The following BMAL1 variants were observed in gnomAD, a reference collection of about 807,000 sequenced individuals.
The protein encoded by BMAL1 is basic helix-loop-helix ARNT-like protein 1.
chr11:13,314,488 T>G, the BMAL1 span, among the ~76,000 whole-genome samples: 1 of 152,192 alleles, frequency 6.6e-6, no homozygotes, highest in African/African-American at 2.4e-5. Flanking sequence ...GGGCTTGAGT[T>G]TGTGACGCCT....
chr11:13,309,140 T>G, the BMAL1 span, among the ~76,000 whole-genome samples: 1 of 152,056 alleles, frequency 6.6e-6, no homozygotes, highest in Non-Finnish European at 1.5e-5. Flanking sequence ...ACAGAGCACT[T>G]TTTGGGGCCC....
the BMAL1 span, among the ~76,000 whole-genome samples, chr11:13,281,588 C>T: frequency 6.6e-6 from 1 of 152,074 alleles, no homozygotes; most frequent in South Asian, 2.1e-4. Context: ...AATCGTGGCT[C>T]ACTGCAGCCT....
At chr11:13,363,783 G>A in the BMAL1 span, among the ~76,000 whole-genome samples, 1 of 152,330 alleles carries the variant, frequency 6.6e-6, no homozygotes, top group East Asian at 1.9e-4. Context: ...TCCCAAGAGT[G>A]ACCCTGCCAC....
At chr11:13,295,822 C>T in the BMAL1 span, among the ~76,000 whole-genome samples, 1 of 152,226 alleles carries the variant, frequency 6.6e-6, no homozygotes, top group Admixed American at 6.5e-5. Context: ...ACCAGCATCT[C>T]AGTGCCCCTC....
the BMAL1 span, among the ~76,000 whole-genome samples, chr11:13,328,493 T>C: frequency 1.3e-5 from 2 of 152,156 alleles, no homozygotes; most frequent in East Asian, 3.8e-4. Flanking sequence ...CCAGCAGCCG[T>C]AGGCATGATG....
At chr11:13,281,317 G>C in the BMAL1 span, among the ~76,000 whole-genome samples, 10 of 152,114 alleles carry the variant, frequency 6.6e-5, no homozygotes, top group East Asian at 1.7e-3. Context: ...CCCTGGGTTC[G>C]TAAGCCTCTC....
At chr11:13,381,564 C>A in the BMAL1 span, among the ~76,000 whole-genome samples, 1 of 152,120 alleles carries the variant, frequency 6.6e-6, no homozygotes, top group African/African-American at 2.4e-5. Context: ...TTATTGAGTA[C>A]CTCACATAGA....
chr11:13,281,760 C>G, the BMAL1 span, among the ~76,000 whole-genome samples: 1 of 152,166 alleles, frequency 6.6e-6, no homozygotes, highest in Non-Finnish European at 1.5e-5. Flanking sequence ...CCCACCTGCA[C>G]TGGCCTCCCA....
At chr11:13,290,497 T>C in the BMAL1 span, among the ~76,000 whole-genome samples, 1 of 152,242 alleles carries the variant, frequency 6.6e-6, no homozygotes, top group East Asian at 1.9e-4. Context: ...AGGTAATACC[T>C]GGCTGCAAAG....
chr11:13,375,782 C>T, the BMAL1 span: 1 of 1,527,192 alleles, frequency 6.5e-7, no homozygotes, highest in African/African-American at 1.4e-5. Flanking sequence ...TTTCCTATAT[C>T]TGAAGCTCCC....
At chr11:13,313,022 T>C in the BMAL1 span, among the ~76,000 whole-genome samples, 479 of 152,292 alleles carry the variant, frequency 3.1e-3, no homozygotes, top group Non-Finnish European at 4.2e-3. Flanking sequence ...AGTGAGCTCG[T>C]TGGGGGTAAA....
chr11:13,328,051 T>G, the BMAL1 span, among the ~76,000 whole-genome samples: 1 of 152,236 alleles, frequency 6.6e-6, no homozygotes, highest in Non-Finnish European at 1.5e-5. Flanking sequence ...TTTGCATTTA[T>G]TTCCCATATC....
At chr11:13,310,049 G>A in the BMAL1 span, 1 of 152,672 alleles carries the variant, frequency 6.5e-6, no homozygotes, top group Non-Finnish European at 1.5e-5. Flanking sequence ...TGGAATCCTG[G>A]GCCTTCATTG....
the BMAL1 span, among the ~76,000 whole-genome samples, chr11:13,386,402 G>A: frequency 1.0e-3 from 158 of 151,926 alleles, no homozygotes; most frequent in Non-Finnish European, 1.7e-3. Flanking sequence ...TATTTCTTAC[G>A]TATTTTTAAA....
the BMAL1 span, among the ~76,000 whole-genome samples, chr11:13,325,657 T>TTGTGTGTGTGTGTGTGTG: frequency 3.3e-3 from 448 of 134,392 alleles, 4 homozygotes; most frequent in African/African-American, 0.012. Flanking sequence ...TTGAGACCTT[T>TTGTGTGTGTGTGTGTGTG]TGTGTGTGTG....
At chr11:13,326,272 C>G in the BMAL1 span, 1 of 152,008 alleles carries the variant, frequency 6.6e-6, no homozygotes, top group African/African-American at 2.4e-5. Flanking sequence ...AGATAACTCA[C>G]TACCTTCGGA....
At chr11:13,310,615 G>C in the BMAL1 span, among the ~76,000 whole-genome samples, 3 of 152,194 alleles carry the variant, frequency 2.0e-5, no homozygotes, top group South Asian at 6.2e-4. Flanking sequence ...CCACTCTGCT[G>C]TGGTAACATG....
the BMAL1 span, among the ~76,000 whole-genome samples, chr11:13,316,517 G>T: frequency 6.6e-6 from 1 of 151,942 alleles, no homozygotes; most frequent in Admixed American, 6.6e-5. Flanking sequence ...CCTCACTTTG[G>T]TACCTTGGTG....
chr11:13,383,924 C>T, the BMAL1 span, among the ~76,000 whole-genome samples: 20 of 152,124 alleles, frequency 1.3e-4, no homozygotes, highest in Non-Finnish European at 2.6e-4. Flanking sequence ...TTATAAAATT[C>T]TCAAGCACAC....
Sources: allele counts gnomAD v4.1 joint callset (sites outside exome capture counted in the v4.1 genomes callset), GRCh38; gene constraint gnomAD v4.1.1; transcripts MANE v1.5; gene names NCBI Gene and HGNC (gene_info 2026-07-23, HGNC 2026-07-21).